Variants in FAM78B observed in about 807,000 individuals in gnomAD.
The protein encoded by FAM78B is protein FAM78B.
FAM78B carries 10 observed loss-of-function variants against 20.0 expected under a neutral mutation model. That is an observed-to-expected ratio of 0.50 (90% CI 0.31 to 0.85). The LOEUF (loss-of-function observed/expected upper bound fraction) is 0.85, where lower values mean the gene tolerates loss of function less well. Among genes scored for constraint, FAM78B ranks in the 40% least tolerant of loss-of-function variants. The pLI, the probability that FAM78B is intolerant of heterozygous loss-of-function variation, is 0.05. For missense variants in FAM78B, 283 were observed against 345.0 expected, an observed-to-expected ratio of 0.82 and a Z score of 1.42; for synonymous variants, 135 against 132.8, an observed-to-expected ratio of 1.02 and a Z score of -0.12.
Position 166,082,437 on chromosome 1 carries a change from C to A in FAM78B, c.264-11674G>T, listed in dbSNP as rs531439325. ...CCCAGGCTGGTCTTGAACTCCTAGG[C>A]TCAAATGATCTTCCTGCCTCAACCC... On this transcript the variant is annotated intron_variant, in intron 1 of 1. Transcript: ENST00000354422. Among the ~76,000 whole-genome samples the A allele has an allele frequency of 2.0e-5, 3 of 152,302 alleles. No homozygotes were observed. In the South Asian group the frequency reaches 6.2e-4, roughly 32 times the overall value.
At chr1:166,075,229 G>A (rs1160856204) in intron 1 of FAM78B, among the ~76,000 whole-genome samples, 1 of 152,178 alleles carries the variant, frequency 6.6e-6, no homozygotes, top group East Asian at 1.9e-4. Context: ...GGATGTTTAG[G>A]AGCTTCTGCA....
At chr1:166,094,033 G>GTC (rs1197003354) in intron 1 of FAM78B, among the ~76,000 whole-genome samples, 2 of 145,530 alleles carry the variant, frequency 1.4e-5, no homozygotes, top group Non-Finnish European at 1.5e-5. Flanking sequence ...GTGTGTGTGT[G>GTC]TGTGTGTGTG....
chr1:166,104,121 G>C (rs1469666426), intron 1 of FAM78B, among the ~76,000 whole-genome samples: 1 of 152,158 alleles, frequency 6.6e-6, no homozygotes, highest in East Asian at 1.9e-4. Context: ...TATCTCAATA[G>C]ATGCAGAAAA....
intron 1 of FAM78B, among the ~76,000 whole-genome samples, chr1:166,092,225 C>G (rs2101738324): frequency 6.6e-6 from 1 of 152,252 alleles, no homozygotes; most frequent in Middle Eastern, 3.4e-3. Context: ...ATTATCTGTG[C>G]CAATGGAAGC....
chr1:166,152,364 G>GGTCTTGTCGTGAGAA (rs1436827057), intron 1 of FAM78B, among the ~76,000 whole-genome samples: 2 of 152,190 alleles, frequency 1.3e-5, no homozygotes, highest in African/African-American at 4.8e-5. Context: ...TCAAGAATTT[G>GGTCTTGTCGTGAGAA]TCTGGTCTTG....
exon 3 of FAM78B, chr1:166,060,584 C>T (rs1202480750): frequency 2.3e-6 from 3 of 1,288,304 alleles, no homozygotes; most frequent in African/African-American, 1.5e-5. Context: ...TCTGGAGCCG[C>T]CAGCCATTGC....
At chr1:166,134,517 T>C (rs1655001205) in intron 1 of FAM78B, among the ~76,000 whole-genome samples, 1 of 139,080 alleles carries the variant, frequency 7.2e-6, no homozygotes, top group South Asian at 2.2e-4. Context: ...ATTAAAGTAG[T>C]AATAATAATA....
At position 166,086,073 on chromosome 1, in the gene FAM78B, CTTT is replaced by C. The variant is rs77694495; in HGVS notation, c.264-15313_264-15311del. ...CCTTCAAAGTAGGTACTATGTTACTCTTTTTTTTTTTTTTTTTTGCATAAAGGA... is the reference window on the plus strand; with the variant it reads ...CCTTCAAAGTAGGTACTATGTTACTCTTTTTTTTTTTTTTTGCATAAAGGA... On this transcript the variant is annotated intron_variant, in intron 1 of 1. Transcript: ENST00000354422. Among the ~76,000 whole-genome samples, 228 of 132,856 alleles carry C rather than the reference CTTT, an allele frequency of 1.7e-3. 1 individual carries two copies. Among genetic ancestry groups the C allele is most frequent in the Admixed American group, 3.1e-3 (41 of 13,030 alleles). 87.2% of individuals were successfully genotyped at this position (132,856 alleles called of 152,430 possible).
intron 1 of FAM78B, among the ~76,000 whole-genome samples, chr1:166,141,194 G>A (rs1299570234): frequency 6.6e-6 from 1 of 152,212 alleles, no homozygotes; most frequent in Non-Finnish European, 1.5e-5. Context: ...GCTAGGTACT[G>A]GGGACAGCAA....
At chr1:166,085,230 C>T (rs78426526) in intron 1 of FAM78B, among the ~76,000 whole-genome samples, 3,356 of 152,242 alleles carry the variant, frequency 0.022, 103 homozygotes, top group African/African-American at 0.069. Context: ...AAAGACACGA[C>T]TAGTTTTTTT....
intron 1 of FAM78B, among the ~76,000 whole-genome samples, chr1:166,106,514 T>C (rs73041231): frequency 5.3e-4 from 80 of 152,254 alleles, no homozygotes; most frequent in African/African-American, 1.9e-3. Context: ...AATGAAATCA[T>C]GTCCATTGCA....
At chr1:166,065,537 T>TATA (rs1263392322), downstream of FAM78B, among the ~76,000 whole-genome samples, 4 of 152,282 alleles carry the variant, frequency 2.6e-5, no homozygotes, top group African/African-American at 9.6e-5. Context: ...GAAAAACTCT[T>TATA]TATAAACTGT....
At chr1:166,135,186 C>T (rs1993106) in intron 1 of FAM78B, among the ~76,000 whole-genome samples, 3,960 of 152,234 alleles carry the variant, frequency 0.026, 233 homozygotes, top group Admixed American at 0.13. Context: ...TTTCTCTAAA[C>T]AGCTGTATCA....
intron 1 of FAM78B, among the ~76,000 whole-genome samples, chr1:166,135,538 G>A (rs1057047873): frequency 6.6e-6 from 1 of 152,206 alleles, no homozygotes; most frequent in Non-Finnish European, 1.5e-5. Flanking sequence ...TAAGTAACAA[G>A]ATTCCATTGC....
intron 1 of FAM78B, chr1:166,081,222 T>C (rs963489203): frequency 6.6e-6 from 1 of 152,204 alleles, no homozygotes; most frequent in Admixed American, 6.5e-5. Context: ...ACAGGCTTCA[T>C]GTTTGTTACC....
chr1:166,126,559 G>C (rs778009470), intron 1 of FAM78B, among the ~76,000 whole-genome samples: 2 of 152,038 alleles, frequency 1.3e-5, no homozygotes, highest in Non-Finnish European at 2.9e-5. Context: ...TCTGGGGGAG[G>C]GGCATTCTGG....
At chr1:166,081,467 G>A (rs368971193) in intron 1 of FAM78B, among the ~76,000 whole-genome samples, 14 of 152,184 alleles carry the variant, frequency 9.2e-5, no homozygotes, top group African/African-American at 3.4e-4. Flanking sequence ...CTCCAATTCT[G>A]AGTTTCTTGG....
At chr1:166,156,971 G>A (rs1655921211) in intron 1 of FAM78B, among the ~76,000 whole-genome samples, 1 of 134,690 alleles carries the variant, frequency 7.4e-6, no homozygotes, top group African/African-American at 2.8e-5. Flanking sequence ...GCTTCCCAAA[G>A]TCTACAGCTT....
intron 1 of FAM78B, among the ~76,000 whole-genome samples, chr1:166,125,832 A>ATT (rs34168180): frequency 0.69 from 88,879 of 128,660 alleles, 32,150 homozygotes; most frequent in Non-Finnish European, 0.8. Context: ...GCTACTTTGA[A>ATT]TTTTTTTTTT....
Sources: gnomAD v4.1 joint callset for allele counts (sites outside exome capture counted in the v4.1 genomes callset) on GRCh38, gnomAD v4.1.1 for gene constraint, MANE v1.5 for transcripts, NCBI Gene and HGNC (gene_info 2026-07-23, HGNC 2026-07-21) for gene names.